CFAP144: variants seen among roughly 807,000 people sequenced by gnomAD.
CFAP144 encodes cilia and flagella associated protein 144.
the CFAP144 span, chr1:43,145,188 T>C: frequency 7.4e-7 from 1 of 1,352,874 alleles, no homozygotes; most frequent in Non-Finnish European, 1.0e-6. Context: ...CGTTTGAGAC[T>C]GGCTTCTCCA....
chr1:43,145,292 T>C, the CFAP144 span: 1 of 1,549,444 alleles, frequency 6.5e-7, no homozygotes, highest in South Asian at 1.2e-5. Flanking sequence ...ATGTGTTCTC[T>C]GGAGGGTAAG....
the CFAP144 span, chr1:43,152,717 C>T: frequency 2.4e-6 from 3 of 1,232,378 alleles, no homozygotes; most frequent in African/African-American, 3.0e-5. Context: ...GGCAAACCTC[C>T]AAGGCACAGA....
chr1:43,149,494 T>C, the CFAP144 span, among the ~76,000 whole-genome samples: 2 of 152,262 alleles, frequency 1.3e-5, no homozygotes, highest in Non-Finnish European at 2.9e-5. Context: ...CTTTGTTGCC[T>C]GGCTCTATAG....
At chr1:43,147,390 T>C in the CFAP144 span, among the ~76,000 whole-genome samples, 2 of 151,694 alleles carry the variant, frequency 1.3e-5, no homozygotes, top group African/African-American at 4.9e-5. Flanking sequence ...ACATTAAAAA[T>C]AAACTATAAA....
At chr1:43,156,294 G>T in the CFAP144 span, 27 of 1,613,782 alleles carry the variant, frequency 1.7e-5, no homozygotes, top group Non-Finnish European at 2.2e-5. Flanking sequence ...TGGGGCTTAG[G>T]AGATGATCAC....
At chr1:43,152,966 AAC>A in the CFAP144 span, 1 of 1,588,448 alleles carries the variant, frequency 6.3e-7, no homozygotes, top group Admixed American at 1.8e-5. Flanking sequence ...AATACGAGGA[AAC>A]ACAGCAGCAA....
chr1:43,150,084 C>T, the CFAP144 span, among the ~76,000 whole-genome samples: 2 of 152,210 alleles, frequency 1.3e-5, no homozygotes, highest in Non-Finnish European at 2.9e-5. Flanking sequence ...ACATCACCCA[C>T]ACCCCAGCCC....
the CFAP144 span, among the ~76,000 whole-genome samples, chr1:43,154,095 T>TAC: frequency 1.5e-5 from 2 of 132,990 alleles, no homozygotes; most frequent in Non-Finnish European, 3.2e-5. Flanking sequence ...TATATATATA[T>TAC]ATATACTCTC....
the CFAP144 span, chr1:43,148,221 A>G: frequency 2.2e-6 from 2 of 894,832 alleles, no homozygotes; most frequent in Non-Finnish European, 3.4e-6. Context: ...CCTAGATTTC[A>G]GGAACCATGA....
At chr1:43,152,649 C>T in the CFAP144 span, 1 of 583,090 alleles carries the variant, frequency 1.7e-6, no homozygotes, top group Non-Finnish European at 2.9e-6. Flanking sequence ...AGTTTGAGCT[C>T]ACCACATATT....
At chr1:43,156,134 C>G in the CFAP144 span, 1 of 1,258,612 alleles carries the variant, frequency 7.9e-7, no homozygotes, top group Admixed American at 1.7e-5. Context: ...ATAAGCCAGG[C>G]CCATTGACTC....
chr1:43,148,167 A>G, the CFAP144 span: 1 of 1,436,584 alleles, frequency 7.0e-7, no homozygotes, highest in African/African-American at 1.4e-5. Flanking sequence ...CGGGGTGGGA[A>G]CGCGGTCCCA....
At chr1:43,152,017 G>C in the CFAP144 span, among the ~76,000 whole-genome samples, 2 of 152,094 alleles carry the variant, frequency 1.3e-5, no homozygotes, top group Non-Finnish European at 2.9e-5. Flanking sequence ...TCAGTCCCTT[G>C]AATCACCTTC....
the CFAP144 span, among the ~76,000 whole-genome samples, chr1:43,154,156 T>C: frequency 0.2 from 27,657 of 138,366 alleles, 3,877 homozygotes; most frequent in African/African-American, 0.38. Flanking sequence ...ATATTCTCTC[T>C]TTTTATATTC....
chr1:43,145,355 T>C, the CFAP144 span: 170 of 1,315,158 alleles, frequency 1.3e-4, 1 homozygote, highest in South Asian at 1.8e-3. Flanking sequence ...GAATCACACA[T>C]AGGGCACAAG....
chr1:43,156,363 A>G, the CFAP144 span: 6 of 1,375,836 alleles, frequency 4.4e-6, no homozygotes, highest in Middle Eastern at 3.6e-4. Context: ...AAGTGTGCAC[A>G]GCCCAGAGAA....
the CFAP144 span, chr1:43,156,289 C>T: frequency 3.1e-6 from 5 of 1,613,902 alleles, no homozygotes; most frequent in Non-Finnish European, 4.2e-6. Context: ...AAACGTGGGG[C>T]TTAGGAGATG....
At chr1:43,146,079 A>G in the CFAP144 span, among the ~76,000 whole-genome samples, 1 of 152,206 alleles carries the variant, frequency 6.6e-6, no homozygotes, top group Non-Finnish European at 1.5e-5. Flanking sequence ...CTCGAAAACC[A>G]ATTTCAGGTG....
the CFAP144 span, among the ~76,000 whole-genome samples, chr1:43,147,108 G>A: frequency 6.6e-6 from 1 of 152,232 alleles, no homozygotes; most frequent in African/African-American, 2.4e-5. Flanking sequence ...GCCTCCCAAA[G>A]TGCTGGGATT....
Sources: allele counts gnomAD v4.1 joint callset (sites outside exome capture counted in the v4.1 genomes callset), GRCh38; gene constraint gnomAD v4.1.1; transcripts MANE v1.5; gene names NCBI Gene and HGNC (gene_info 2026-07-23, HGNC 2026-07-21).